Variants in LTF observed in about 807,000 individuals in gnomAD.
LTF encodes epididymis luminal protein 110.
In LTF, 91 loss-of-function variants were observed where a neutral mutation model predicts 87.2. That is an observed-to-expected ratio of 1.04 (90% CI 0.88 to 1.24). LTF has a LOEUF of 1.24. Ranked by LOEUF, LTF falls within the 50% of genes most tolerant of loss-of-function variation. The pLI, the probability that LTF is intolerant of heterozygous loss-of-function variation, is 0.00. For missense variants in LTF, 901 were observed against 904.3 expected, an observed-to-expected ratio of 1.00 and a Z score of 0.05; for synonymous variants, 378 against 356.1, an observed-to-expected ratio of 1.06 and a Z score of -0.69.
intron 1 of LTF, among the ~76,000 whole-genome samples, chr3:46,482,365 G>A (rs1703443246): frequency 6.6e-6 from 1 of 151,792 alleles, no homozygotes; most frequent in African/African-American, 2.4e-5. Flanking sequence ...AGCTACCAGG[G>A]AGGCTGAGGT....
chr3:46,465,406 G>A (rs1218350583), upstream of LTF, among the ~76,000 whole-genome samples: 1 of 152,196 alleles, frequency 6.6e-6, no homozygotes, highest in Non-Finnish European at 1.5e-5. Flanking sequence ...AGGGACAGCT[G>A]ACAGAGAAAA....
At position 46,449,057 on chromosome 3, in the gene LTF, C is replaced by T. The variant is rs368756087; in HGVS notation, c.1058-40G>A. ...ACCGCAGGTGGCTGGGCAACCTGAG[C>T]TTTGCCAGGTTGTCCAACCTCCCCA... On this transcript the variant is annotated intron_variant, in intron 8 of 16. Coordinates refer to ENST00000231751, the MANE Select transcript of LTF (RefSeq NM_002343.6). 59 of 1,571,456 alleles carry T rather than the reference C, an allele frequency of 3.8e-5. No homozygotes were observed. In the African/African-American group the frequency reaches 4.6e-4, roughly 12 times the overall value.
intron 1 of LTF, among the ~76,000 whole-genome samples, chr3:46,476,971 G>T (rs916503929): frequency 6.6e-6 from 1 of 152,206 alleles, no homozygotes; most frequent in Non-Finnish European, 1.5e-5. Context: ...CTAACTTGGG[G>T]TTATTACAAT....
intron 1 of LTF, among the ~76,000 whole-genome samples, chr3:46,482,533 G>A (rs746706621): frequency 3.4e-4 from 26 of 75,400 alleles, no homozygotes; most frequent in South Asian, 2.5e-3. Flanking sequence ...GGGAAGGGAA[G>A]GGAAGGGAAG....
Position 46,454,285 on chromosome 3 carries a change from G to A in LTF, c.703+20C>T, listed in dbSNP as rs1335729283. ...AAGATAAAAGGGGTCAGTACCCACG[G>A]CTCATTACCCTGCTCTTACCAAACA... On this transcript the variant is annotated intron_variant, in intron 6 of 16. Coordinates refer to ENST00000231751, the MANE Select transcript of LTF (RefSeq NM_002343.6). 1.9e-6 allele frequency: 3 copies of A among 1,612,586 alleles called. No homozygotes were observed. Among genetic ancestry groups the A allele is most frequent in the Non-Finnish European group, 2.5e-6 (3 of 1,178,704 alleles).
intron 15 of LTF, among the ~76,000 whole-genome samples, 174 bp downstream of exon 15, chr3:46,439,122 T>C (rs1702453865): frequency 6.6e-6 from 1 of 152,084 alleles, no homozygotes; most frequent in Non-Finnish European, 1.5e-5. Context: ...AAAGCCTCTG[T>C]TGTTCTTGTT....
At chr3:46,482,651 AGAAAGAAAGAAGGAAGGAAGGAAG>A (rs1398862515) in intron 1 of LTF, among the ~76,000 whole-genome samples, 21 of 101,228 alleles carry the variant, frequency 2.1e-4, no homozygotes, top group African/African-American at 7.2e-4. Context: ...AAAGAAAGAA[AGAAAGAAAGAAGGAAGGAAGGAAG>A]GAAGGAAGGA....
At chr3:46,444,417 T>C (rs1702595785) in intron 12 of LTF, among the ~76,000 whole-genome samples, 1 of 152,126 alleles carries the variant, frequency 6.6e-6, no homozygotes, top group African/African-American at 2.4e-5. Flanking sequence ...TCGTTCATTG[T>C]GTGATTTAAC....
intron 1 of LTF, chr3:46,463,481 G>A: frequency 2.0e-6 from 2 of 985,714 alleles, no homozygotes; most frequent in Non-Finnish European, 2.4e-6. Flanking sequence ...GGGGAGCAGG[G>A]CAGGAATTCC....
At chr3:46,457,936 C>T (rs1215482215) in intron 2 of LTF, among the ~76,000 whole-genome samples, 8 of 132,040 alleles carry the variant, frequency 6.1e-5, no homozygotes. Flanking sequence ...TGCCACCATG[C>T]CTGGCTAATT....
At chr3:46,466,583 G>T (rs764487117), upstream of LTF, among the ~76,000 whole-genome samples, 4 of 152,228 alleles carry the variant, frequency 2.6e-5, no homozygotes, top group Non-Finnish European at 2.9e-5. Context: ...AAGGCACAGG[G>T]TGGAGGCTAA....
At position 46,448,966 on chromosome 3, in the gene LTF, C is replaced by T; in HGVS notation, c.1109G>A (p.Gly370Asp). The T allele has an allele frequency of 6.2e-7, 1 of 1,613,412 alleles. No individual in the cohort carries two copies. Among genetic ancestry groups the T allele is most frequent in the Non-Finnish European group, 8.5e-7 (1 of 1,179,854 alleles). The change falls in exon 9 of 17, where the codon GGC becomes GAC. Residue 370 changes from glycine to aspartate, a missense_variant. Physicochemically the swap from Gly to Asp is moderately conservative, Grantham distance 94. Coordinates refer to ENST00000231751, the MANE Select transcript of LTF (RefSeq NM_002343.6). ...GTTACACTTGCGCAGCTCCTGCTCG[C>T]CCACCGCACACCACACGACCCGCGC... ...RRARVVWCAV[G>D]EQELRKCNQW...
chr3:46,447,441 A>C (rs750834352), intron 9 of LTF, 43 bp from the exon 10 acceptor site: 11 of 1,378,984 alleles, frequency 8.0e-6, no homozygotes, highest in African/African-American at 1.4e-5. Context: ...GTGAGGCTGC[A>C]TCCCGTCCTG....
At position 46,439,432 on chromosome 3, in the gene LTF, G is replaced by A. The variant is rs776084962; in HGVS notation, c.1772C>T (p.Ala591Val). 69 of 1,613,752 alleles carry A rather than the reference G, an allele frequency of 4.3e-5. No individual in the cohort carries two copies. Among genetic ancestry groups the A allele is most frequent in the Admixed American group, 2.5e-4 (15 of 59,944 alleles). ...WAKDLKLADF[A>V]LLCLDGKRKP... ...CCGTTTGCCATCGAGGCACAGCAGC[G>A]CAAAGTCTGCCAGCTTCAAATCCTT... Residue 591 changes from alanine to valine, a missense_variant, in exon 15 of 17, where the codon GCG becomes GTG. Ala to Val is a moderately conservative substitution (Grantham distance 64). Transcript: ENST00000231751.
intron 5 of LTF, 126 bp from the exon 6 acceptor site, chr3:46,454,486 T>C (rs1245685932): frequency 2.3e-6 from 2 of 861,942 alleles, no homozygotes; most frequent in South Asian, 2.8e-5. Context: ...CTCTGAAGCT[T>C]TGGGGCATCC....
At chr3:46,442,544 G>C (rs895328344) in intron 13 of LTF, among the ~76,000 whole-genome samples, 1 of 150,268 alleles carries the variant, frequency 6.7e-6, no homozygotes, top group African/African-American at 2.4e-5. Context: ...GCTCTTATGA[G>C]ACATGTGTTC....
chr3:46,462,302 A>G (rs57761566), intron 1 of LTF, among the ~76,000 whole-genome samples: 2,519 of 152,270 alleles, frequency 0.017, 66 homozygotes, highest in African/African-American at 0.057. Flanking sequence ...GTTAAAAGAG[A>G]ACAAATACCA....
chr3:46,461,541 T>G (rs1325917615), intron 1 of LTF, among the ~76,000 whole-genome samples: 1 of 152,176 alleles, frequency 6.6e-6, no homozygotes, highest in African/African-American at 2.4e-5. Flanking sequence ...AGAGACCACA[T>G]GCTGTATGAT....
At chr3:46,458,767 G>T (rs1307644091) in intron 2 of LTF, among the ~76,000 whole-genome samples, 3 of 152,158 alleles carry the variant, frequency 2.0e-5, no homozygotes, top group African/African-American at 7.2e-5. Context: ...TAGAGGCAGG[G>T]TTTCACCATG....
Sources: gnomAD v4.1 joint callset for allele counts (sites outside exome capture counted in the v4.1 genomes callset) on GRCh38, gnomAD v4.1.1 for gene constraint, MANE v1.5 for transcripts, NCBI Gene and HGNC (gene_info 2026-07-23, HGNC 2026-07-21) for gene names.